Variants in EZR observed in about 807,000 individuals in gnomAD.
EZR encodes cytovillin 2.
EZR carries 40 observed loss-of-function variants against 74.8 expected under a neutral mutation model. That is an observed-to-expected ratio of 0.53 (90% CI 0.42 to 0.70). The LOEUF is 0.70. Among genes scored for constraint, EZR ranks in the 30% least tolerant of loss-of-function variants. The pLI is 0.00. For missense variants in EZR, 678 were observed against 755.8 expected (o/e 0.90, Z 1.21); for synonymous variants, 341 against 283.3 (o/e 1.20, Z -2.05).
chr6:158,797,745 T>C (rs1376917449), intron 2 of EZR, among the ~76,000 whole-genome samples: 6 of 152,234 alleles, frequency 3.9e-5, no homozygotes, highest in Non-Finnish European at 8.8e-5. Flanking sequence ...GCTATTTTGG[T>C]TCACTTAATT....
chr6:158,801,895 C>T (rs1362822164), intron 2 of EZR, among the ~76,000 whole-genome samples: 3 of 152,208 alleles, frequency 2.0e-5, no homozygotes, highest in South Asian at 2.1e-4. Flanking sequence ...TGCTGTGGGA[C>T]GTCCTGGGGC....
rs1265829349 is a variant in EZR, at chr6:158,766,735, G to A, written c.*179C>T. 3.0e-6 allele frequency: 2 copies of A among 665,594 alleles called. No homozygotes were observed. Among genetic ancestry groups the A allele is most frequent in the African/African-American group, 3.6e-5 (2 of 55,558 alleles). 41.2% of individuals were successfully genotyped at this position (665,594 alleles called of 1,614,324 possible). On this transcript the variant is annotated 3_prime_UTR_variant, in exon 14 of 14. Coordinates refer to ENST00000367075, the MANE Select transcript of EZR (RefSeq NM_001111077.2). ...CCTGCTTGGCACTATTACAACTGGG[G>A]AAAACAAACCAGGGCGCCTCCCTGG...
At chr6:158,811,639 T>C (rs1163654779) in intron 2 of EZR, among the ~76,000 whole-genome samples, 2 of 152,292 alleles carry the variant, frequency 1.3e-5, no homozygotes, top group Admixed American at 6.5e-5. Context: ...GGTAGGAGGA[T>C]AGCTTGAGCT....
In EZR at chr6:158,785,570, T is replaced by C. The variant is rs1380769037; in HGVS notation, c.206A>G (p.Glu69Gly). The C allele has an allele frequency of 6.2e-7, 1 of 1,613,692 alleles. No homozygotes were observed. Among genetic ancestry groups the C allele is most frequent in the Non-Finnish European group, 8.5e-7 (1 of 1,179,758 alleles). ...LKLDKKVSAQ[E>G]VRKENPLQFK... Reference sequence around the variant, plus strand: ...CTGGAGGGGATTCTCCTTCCTGACCTCCTGGGCAGACACCTGCACGAAACA... The same window carrying C: ...CTGGAGGGGATTCTCCTTCCTGACCCCCTGGGCAGACACCTGCACGAAACA... Residue 69 changes from glutamate to glycine, a missense_variant, in exon 5 of 14, where the codon GAG (glutamate) becomes GGG (glycine). Transcript: ENST00000367075.
chr6:158,775,226 T>C (rs1791243372), intron 8 of EZR, among the ~76,000 whole-genome samples: 1 of 151,632 alleles, frequency 6.6e-6, no homozygotes, highest in Admixed American at 6.6e-5. Flanking sequence ...AGAGATGGGG[T>C]TTTCACTGTG....
At chr6:158,787,060 C>G (rs1484672925) in intron 4 of EZR, 48 bp downstream of exon 4, 2 of 1,451,454 alleles carry the variant, frequency 1.4e-6, no homozygotes, top group African/African-American at 1.4e-5. Context: ...ATCGATGAAG[C>G]AGACCAACAC....
chr6:158,811,452 C>G (rs1351094244), intron 2 of EZR, among the ~76,000 whole-genome samples: 2 of 151,774 alleles, frequency 1.3e-5, no homozygotes, highest in African/African-American at 4.8e-5. Flanking sequence ...CTAAGAATCT[C>G]CAAATTGTCA....
intron 2 of EZR, among the ~76,000 whole-genome samples, chr6:158,810,817 T>A (rs2128576809): frequency 6.6e-6 from 1 of 152,338 alleles, no homozygotes; most frequent in South Asian, 2.1e-4. Flanking sequence ...TACAGCATCT[T>A]AAGATGAGTT....
At chr6:158,775,416 T>G (rs1397667511) in intron 8 of EZR, among the ~76,000 whole-genome samples, 1 of 152,160 alleles carries the variant, frequency 6.6e-6, no homozygotes, top group Non-Finnish European at 1.5e-5. Flanking sequence ...AACCTGTATG[T>G]GGGGAGAAGT....
At chr6:158,818,707 C>G (rs1201476748) in intron 1 of EZR, among the ~76,000 whole-genome samples, 1 of 145,924 alleles carries the variant, frequency 6.9e-6, no homozygotes, top group African/African-American at 2.6e-5. Context: ...CGGGGAAAGG[C>G]CCGGGGAGAG....
Position 158,770,030 on chromosome 6 carries a change from C to T in EZR, c.1091-86G>A, listed in dbSNP as rs1473896239. On this transcript the variant is annotated intron_variant, in intron 10 of 13. Transcript: ENST00000367075. ...CTTTCCATTCCCACCCCCAAAGCCA[C>T]AGAGCCCTAGACCAAGTCACAGGTT... 3.2e-6 allele frequency: 5 copies of T among 1,557,632 alleles called. No homozygotes were observed. In the Admixed American group the frequency reaches 8.7e-5, roughly 27 times the overall value.
At chr6:158,777,246 T>G (rs1426309444) in intron 7 of EZR, among the ~76,000 whole-genome samples, 1 of 152,246 alleles carries the variant, frequency 6.6e-6, no homozygotes, top group Non-Finnish European at 1.5e-5. Flanking sequence ...GGCCTTGCTA[T>G]GCATTCTGCT....
chr6:158,768,794 G>A (rs566164800), intron 12 of EZR, among the ~76,000 whole-genome samples: 2 of 152,278 alleles, frequency 1.3e-5, no homozygotes, highest in African/African-American at 2.4e-5. Context: ...TCTACAATGA[G>A]GAAAATGAGG....
chr6:158,782,423 G>T (rs1321709274), intron 7 of EZR, among the ~76,000 whole-genome samples: 1 of 152,238 alleles, frequency 6.6e-6, no homozygotes, highest in African/African-American at 2.4e-5. Flanking sequence ...AAATATCTGA[G>T]AACAGATGAG....
chr6:158,774,669 TCAAACA>T (rs1303503000), intron 8 of EZR, among the ~76,000 whole-genome samples: 2 of 73,654 alleles, frequency 2.7e-5, no homozygotes, highest in African/African-American at 1.1e-4. Flanking sequence ...GGACTTATCA[TCAAACA>T]CACACACACA....
chr6:158,781,097 C>CA (rs1440602129), intron 7 of EZR, among the ~76,000 whole-genome samples: 6 of 152,162 alleles, frequency 3.9e-5, no homozygotes, highest in African/African-American at 1.4e-4. Context: ...AACAATGTTT[C>CA]AGGCATATCT....
At chr6:158,818,270 C>A in intron 1 of EZR, 104 bp from the exon 2 acceptor site, 1 of 510,028 alleles carries the variant, frequency 2.0e-6, no homozygotes, top group Non-Finnish European at 3.3e-6. Flanking sequence ...AAGAACCGGC[C>A]AGCCCGGGCC....
intron 2 of EZR, among the ~76,000 whole-genome samples, chr6:158,796,286 G>A (rs992332297): frequency 6.6e-6 from 1 of 152,206 alleles, no homozygotes; most frequent in African/African-American, 2.4e-5. Context: ...CAATGCAACC[G>A]ACATGCAAGG....
rs1583569235 is a variant in EZR at position 158,785,782 on chromosome 6, A to C, written c.193-199T>G. The stretch of plus-strand genomic sequence containing the variant: ...TACCACAGGCCAGACATGGTGGCTC[A>C]TGCCTATAATCCCAGTGCTTTGGGA... On this transcript the variant is annotated intron_variant, in intron 4 of 13. Transcript: ENST00000367075. Among the ~76,000 whole-genome samples the C allele has an allele frequency of 7.2e-5, 11 of 152,356 alleles. No individual in the cohort carries two copies. The South Asian group carries it at 2.3e-3, about 32-fold the overall frequency.
Sources: allele counts gnomAD v4.1 joint callset (sites outside exome capture counted in the v4.1 genomes callset), GRCh38; gene constraint gnomAD v4.1.1; transcripts MANE v1.5; gene names NCBI Gene and HGNC (gene_info 2026-07-23, HGNC 2026-07-21).